The following VPS13C variants were observed in gnomAD, a reference collection of about 807,000 sequenced individuals.
VPS13C encodes the protein vacuolar protein sorting 13 homolog C.
In VPS13C, 358 loss-of-function variants were observed where a neutral mutation model predicts 456.8. The observed-to-expected ratio is 0.78, with a 90% CI of 0.72 to 0.86. The LOEUF (loss-of-function observed/expected upper bound fraction) is 0.86, where lower values mean the gene tolerates loss of function less well. VPS13C is among the 40% of genes least tolerant of loss of function. The pLI is 0.00. For missense variants in VPS13C, 4,818 were observed against 4,385.4 expected (o/e 1.10, Z -2.79); for synonymous variants, 1,578 against 1,486.7 (o/e 1.06, Z -1.41).
chr15:62,059,419 T>C (rs755994768), intron 1 of VPS13C, among the ~76,000 whole-genome samples: 9 of 152,176 alleles, frequency 5.9e-5, no homozygotes, highest in Non-Finnish European at 8.8e-5. Flanking sequence ...AGTGAGAAAG[T>C]CCCAAAGTCC....
Position 62,037,357 on chromosome 15 carries a change from A to T in VPS13C, c.188-2305T>A, listed in dbSNP as rs1215507931. ...ATTTATATATAATATATTATATATAAATGTATATAATATATTATATATAAA... is the reference window on the plus strand; with the variant it reads ...ATTTATATATAATATATTATATATATATGTATATAATATATTATATATAAA... On this transcript the variant is annotated intron_variant, in intron 3 of 84. Transcript: ENST00000644861. 2.7e-4 allele frequency among the ~76,000 whole-genome samples: 23 copies of T among 84,442 alleles called. 2 individuals carry two copies. The highest frequency in any genetic ancestry group is 5.8e-4 in the South Asian group (2 of 3,460). 55.4% of individuals were successfully genotyped at this position (84,442 alleles called of 152,430 possible).
chr15:61,926,236 C>G (rs927369332), intron 52 of VPS13C, among the ~76,000 whole-genome samples: 1 of 151,958 alleles, frequency 6.6e-6, no homozygotes, highest in Admixed American at 6.6e-5. Flanking sequence ...CCCTTCTCTA[C>G]AAAAAATTAA....
chr15:61,920,083 G>C lies in VPS13C; in HGVS notation c.7461C>G (p.Phe2487Leu). The C allele has an allele frequency of 6.2e-7, 1 of 1,606,914 alleles. No individual in the cohort carries two copies. The highest frequency in any genetic ancestry group is 8.5e-7 in the Non-Finnish European group (1 of 1,175,070). ...ATAGCCTACCAATGGTCAGAGTGAA[G>C]AAGGAGCTTTCTTGACGGCTCAATA... The part of the protein sequence containing the change: ...LSILSRQESS[F>L]FTLTIVPHGY... Residue 2487 changes from phenylalanine to leucine, a missense_variant, in exon 57 of 85, where the codon TTC becomes TTG. Phe to Leu is a conservative substitution (Grantham distance 22, BLOSUM62 0). This residue lies in a region of VPS13C where 4,552 missense variants were observed against 4,130.6 expected (regional missense o/e 1.10). Coordinates refer to ENST00000644861, the MANE Select transcript of VPS13C (RefSeq NM_020821.3).
intron 29 of VPS13C, among the ~76,000 whole-genome samples, chr15:61,967,135 T>A (rs1567055958): frequency 6.6e-6 from 1 of 151,952 alleles, no homozygotes; most frequent in East Asian, 1.9e-4. Flanking sequence ...TGGTACCTAC[T>A]TCATCCCAGG....
At position 62,007,416 on chromosome 15, in the gene VPS13C, T is replaced by A; in HGVS notation, c.1182A>T (p.Ser394=). ...VHIRRYTQMW[S]WSNIKKHRQL... Reference sequence around the variant, plus strand: ...GCCTGTGCTTTTTTATGTTACTCCATGACCACATCTGTGTATACCTTCTTA... The same window carrying A: ...GCCTGTGCTTTTTTATGTTACTCCAAGACCACATCTGTGTATACCTTCTTA... Residue 394 remains serine, a synonymous_variant, in exon 15 of 85, where the codon TCA becomes TCT. Transcript: ENST00000644861. The A allele has an allele frequency of 6.2e-7, 1 of 1,613,092 alleles. No homozygotes were observed. Among genetic ancestry groups the A allele is most frequent in the Non-Finnish European group, 8.5e-7 (1 of 1,179,588 alleles).
intron 15 of VPS13C, among the ~76,000 whole-genome samples, chr15:62,002,320 T>C (rs1355792561): frequency 1.3e-5 from 2 of 152,256 alleles, no homozygotes; most frequent in African/African-American, 4.8e-5. Flanking sequence ...ATGTCTTCTT[T>C]TGAAAACTGT....
intron 9 of VPS13C, among the ~76,000 whole-genome samples, chr15:62,019,310 T>C (rs1179036129): frequency 6.6e-6 from 1 of 152,114 alleles, no homozygotes; most frequent in Non-Finnish European, 1.5e-5. Flanking sequence ...CTGATCTTAG[T>C]TATTTCTTGC....
At position 61,865,501 on chromosome 15, in the gene VPS13C, T is replaced by C. The variant is rs1894477447; in HGVS notation, c.10864-1973A>G. 8 of 979,360 alleles carry C rather than the reference T, an allele frequency of 8.2e-6. No homozygotes were observed. In the African/African-American group the frequency reaches 1.4e-4, roughly 17 times the overall value. The allele number at this position is 979,360 out of a possible 1,614,324, so 60.7% of individuals were successfully genotyped here. On this transcript the variant is annotated intron_variant, in intron 81 of 84. Transcript: ENST00000644861. ...TCATAAGTATGTGAACCAAAATGAG[T>C]ATTAAATGACTATATATACATACAT...
At chr15:62,008,896 T>C (rs1398002348) in intron 13 of VPS13C, 135 bp from the exon 14 acceptor site, 1 of 404,906 alleles carries the variant, frequency 2.5e-6, no homozygotes, top group Non-Finnish European at 4.3e-6. Context: ...TAATATACTG[T>C]ATTTCATCAA....
rs751749062 is a variant in VPS13C at position 61,947,166 on chromosome 15, T to C, written c.4876+27A>G. The C allele has an allele frequency of 2.1e-6, 3 of 1,409,442 alleles. No individual in the cohort carries two copies. In the East Asian group the frequency reaches 7.6e-5, roughly 36 times the overall value. 87.3% of individuals were successfully genotyped at this position (1,409,442 alleles called of 1,614,324 possible). A position where few individuals can be genotyped will look rare whatever the true frequency, so the allele number is the denominator to read the frequency against. ...TCCTAGTTATGTAAAGAAACAGAAA[T>C]ACCTACAACAAGAAGTAACTACTTA... On this transcript the variant is annotated intron_variant, in intron 43 of 84. Coordinates refer to ENST00000644861, the MANE Select transcript of VPS13C (RefSeq NM_020821.3).
intron 6 of VPS13C, among the ~76,000 whole-genome samples, chr15:62,026,341 A>T (rs1357573061): frequency 6.6e-6 from 1 of 151,980 alleles, no homozygotes; most frequent in African/African-American, 2.4e-5. Flanking sequence ...GAATTATGCA[A>T]ATCTTCCAAA....
At position 62,007,341 on chromosome 15, in the gene VPS13C, A is replaced by C; in HGVS notation, c.1257T>G (p.Ser419=). Residue 419 remains serine, a synonymous_variant, in exon 15 of 85, where the codon TCT becomes TCG. Coordinates refer to ENST00000644861, the MANE Select transcript of VPS13C (RefSeq NM_020821.3). ...CTTTCTGTATTTCTTCTGAGACTTT[A>C]GACTGTGTTAACTTGTTTTTGTAGG... The part of the protein sequence containing the change: ...KIAYKNKLTQ[S]KVSEEIQKEI... 1 of 1,610,938 alleles carries C rather than the reference A, an allele frequency of 6.2e-7. No individual in the cohort carries two copies. Among genetic ancestry groups the C allele is most frequent in the Non-Finnish European group, 8.5e-7 (1 of 1,178,910 alleles).
chr15:61,910,978 TCA>T, intron 63 of VPS13C, among the ~76,000 whole-genome samples: 1 of 152,324 alleles, frequency 6.6e-6, no homozygotes, highest in Non-Finnish European at 1.5e-5. Context: ...TTTATGGAGA[TCA>T]TTCTAAGTGC....
chr15:61,904,922 TAA>T (rs963157520), intron 66 of VPS13C, among the ~76,000 whole-genome samples: 1 of 143,908 alleles, frequency 6.9e-6, no homozygotes, highest in Admixed American at 7.0e-5. Context: ...ATGTGGGAGC[TAA>T]AAAAAAAAAG....
intron 48 of VPS13C, 122 bp downstream of exon 48, chr15:61,936,475 T>A: frequency 2.1e-6 from 2 of 949,964 alleles, no homozygotes; most frequent in Non-Finnish European, 1.4e-6. Context: ...ATTTCCACAG[T>A]AAGTAGTACA....
intron 6 of VPS13C, among the ~76,000 whole-genome samples, chr15:62,027,196 G>T (rs979685552): frequency 6.6e-6 from 1 of 151,978 alleles, no homozygotes; most frequent in Non-Finnish European, 1.5e-5. Context: ...TCTCATTTCA[G>T]AAGCACCAAC....
At position 61,916,033 on chromosome 15, in the gene VPS13C, AC is replaced by A; in HGVS notation, c.8056-12del. On this transcript the variant is annotated splice_polypyrimidine_tract_variant and intron_variant, in intron 60 of 84. Transcript: ENST00000644861. The stretch of plus-strand genomic sequence containing the variant: ...AGTTTCTGCTGTTCCCTAAAAACAA[AC>A]AAAAATTCGCTGAGTAACTTTTTAA... The A allele has an allele frequency of 6.5e-7, 1 of 1,539,474 alleles. No homozygotes were observed. The highest frequency in any genetic ancestry group is 8.7e-7 in the Non-Finnish European group (1 of 1,145,082).
At chr15:61,857,881 T>C (rs1277492305) in intron 82 of VPS13C, among the ~76,000 whole-genome samples, 1 of 152,202 alleles carries the variant, frequency 6.6e-6, no homozygotes, top group Admixed American at 6.5e-5. Flanking sequence ...TGGCATTATA[T>C]TTCTCAGCAG....
intron 21 of VPS13C, 82 bp from the exon 22 acceptor site, chr15:61,981,560 T>G: frequency 7.1e-7 from 1 of 1,406,224 alleles, no homozygotes; most frequent in Non-Finnish European, 9.4e-7. Context: ...AATAAGAGTT[T>G]TACTTGAAAA....
Sources: gnomAD v4.1 joint callset for allele counts (sites outside exome capture counted in the v4.1 genomes callset) on GRCh38, gnomAD v4.1.1 for gene constraint, gnomAD v4.1.1 regional missense constraint, MANE v1.5 for transcripts, NCBI Gene and HGNC (gene_info 2026-07-23, HGNC 2026-07-21) for gene names.